CSMD1: variants seen among roughly 807,000 people sequenced by gnomAD.
The protein encoded by CSMD1 is CUB and sushi domain-containing protein 1.
In CSMD1, 213 loss-of-function variants were observed where a neutral mutation model predicts 417.5. The ratio of observed to expected loss-of-function variants is 0.51; its 90% confidence interval spans 0.46 to 0.57. CSMD1 has a LOEUF of 0.57. Ranked by LOEUF, CSMD1 falls within the 20% of genes least tolerant of loss-of-function variation. CSMD1 has a pLI of 0.00. For synonymous variants in CSMD1, 2,862 were observed against 1,736.8 expected (o/e 1.65, Z -16.11); for missense variants, 6,923 against 4,529.7 (o/e 1.53, Z -15.17).
intron 7 of CSMD1, among the ~76,000 whole-genome samples, chr8:3,625,506 T>A (rs997200088): frequency 6.6e-6 from 1 of 152,204 alleles, no homozygotes; most frequent in Non-Finnish European, 1.5e-5. Flanking sequence ...TCATAATTCA[T>A]ATGCCCCAAT....
chr8:4,295,109 A>T (rs1193234350), intron 3 of CSMD1, among the ~76,000 whole-genome samples: 1 of 147,134 alleles, frequency 6.8e-6, no homozygotes, highest in Non-Finnish European at 1.5e-5. Flanking sequence ...TATAATCTTA[A>T]GATTACACAC....
intron 1 of CSMD1, among the ~76,000 whole-genome samples, chr8:4,981,128 C>A (rs532951847): frequency 5.9e-5 from 9 of 152,018 alleles, no homozygotes; most frequent in African/African-American, 2.2e-4. Context: ...CTTTTCTGTA[C>A]CTGAAAATGG....
intron 41 of CSMD1, among the ~76,000 whole-genome samples, chr8:3,124,891 G>C (rs548981825): frequency 6.6e-6 from 1 of 152,152 alleles, no homozygotes; most frequent in Non-Finnish European, 1.5e-5. Flanking sequence ...ATGCCAATTA[G>C]TTTCTTTTTC....
intron 2 of CSMD1, among the ~76,000 whole-genome samples, chr8:4,472,448 T>G (rs1800590140): frequency 1.3e-5 from 2 of 152,162 alleles, no homozygotes; most frequent in Non-Finnish European, 2.9e-5. Flanking sequence ...GACATATATT[T>G]AAGGTAATAA....
chr8:3,936,525 A>T (rs527649837), intron 5 of CSMD1, among the ~76,000 whole-genome samples: 4 of 152,304 alleles, frequency 2.6e-5, no homozygotes, highest in South Asian at 2.1e-4. Flanking sequence ...AATTCTGCTA[A>T]ATCAACTATG....
At chr8:4,583,612 G>C (rs1171446449) in intron 2 of CSMD1, among the ~76,000 whole-genome samples, 2 of 152,020 alleles carry the variant, frequency 1.3e-5, no homozygotes, top group South Asian at 4.2e-4. Context: ...ACTGTATCTA[G>C]CTGCTCTGGT....
chr8:3,241,768 G>A (rs1279566760), intron 26 of CSMD1, among the ~76,000 whole-genome samples: 1 of 152,094 alleles, frequency 6.6e-6, no homozygotes, highest in Non-Finnish European at 1.5e-5. Flanking sequence ...AGATGTGGCT[G>A]GGGTTTGTCT....
intron 40 of CSMD1, among the ~76,000 whole-genome samples, chr8:3,150,050 G>C (rs1819097243): frequency 6.6e-6 from 1 of 152,128 alleles, no homozygotes; most frequent in Non-Finnish European, 1.5e-5. Flanking sequence ...AGATCTCCAG[G>C]GCAAGGACGA....
chr8:3,916,231 A>AT (rs1397305900), intron 5 of CSMD1, among the ~76,000 whole-genome samples: 1 of 152,172 alleles, frequency 6.6e-6, no homozygotes, highest in African/African-American at 2.4e-5. Context: ...CCGGTCATTT[A>AT]TGAGGTGTAA....
At chr8:4,989,590 G>A (rs537895410) in intron 1 of CSMD1, among the ~76,000 whole-genome samples, 3 of 152,314 alleles carry the variant, frequency 2.0e-5, no homozygotes, top group East Asian at 1.9e-4. Context: ...CTTACAGAGC[G>A]AAGTGAGCTC....
At chr8:4,161,604 G>A (rs961154260) in intron 3 of CSMD1, among the ~76,000 whole-genome samples, 1 of 152,070 alleles carries the variant, frequency 6.6e-6, no homozygotes, top group Non-Finnish European at 1.5e-5. Context: ...ATCTATACCT[G>A]TTAAAAATCT....
intron 5 of CSMD1, among the ~76,000 whole-genome samples, chr8:3,812,305 C>T (rs62479925): frequency 6.6e-6 from 1 of 152,068 alleles, no homozygotes; most frequent in Non-Finnish European, 1.5e-5. Context: ...TCACAGGGTC[C>T]TTTTCTGAGC....
At position 3,493,118 on chromosome 8, in the gene CSMD1, C is replaced by T. The variant is rs1028366540; in HGVS notation, c.1448+505G>A. 1.4e-4 allele frequency among the ~76,000 whole-genome samples: 21 copies of T among 151,938 alleles called. No homozygotes were observed. The East Asian group carries it at 2.1e-3, about 16-fold the overall frequency. ...AGACCAACCGGGCCAACATGGCAAA[C>T]GCCTGTCTCTAATAATAATACAAAA... On this transcript the variant is annotated intron_variant, in intron 11 of 69. Transcript: ENST00000635120.
chr8:3,297,041 A>G (rs1416937059), intron 25 of CSMD1, among the ~76,000 whole-genome samples: 5 of 152,336 alleles, frequency 3.3e-5, no homozygotes, highest in South Asian at 2.1e-4. Flanking sequence ...GAAGAGGACT[A>G]TGGATTCTGA....
At chr8:3,522,134 AC>A (rs1797535064) in intron 10 of CSMD1, among the ~76,000 whole-genome samples, 1 of 152,216 alleles carries the variant, frequency 6.6e-6, no homozygotes, top group African/African-American at 2.4e-5. Flanking sequence ...TCTTTAAACT[AC>A]CACTCTGACT....
intron 1 of CSMD1, among the ~76,000 whole-genome samples, chr8:4,935,933 G>T (rs1375033081): frequency 6.6e-6 from 1 of 152,156 alleles, no homozygotes; most frequent in Non-Finnish European, 1.5e-5. Flanking sequence ...CCACGCTGCC[G>T]CTCAGAACAG....
intron 5 of CSMD1, among the ~76,000 whole-genome samples, chr8:3,805,025 G>A (rs151028940): frequency 6.6e-6 from 1 of 152,178 alleles, no homozygotes; most frequent in Non-Finnish European, 1.5e-5. Flanking sequence ...AGGCCTGGTT[G>A]GTCATATTCA....
At chr8:3,464,303 T>C (rs185594589) in intron 12 of CSMD1, among the ~76,000 whole-genome samples, 113 of 152,268 alleles carry the variant, frequency 7.4e-4, no homozygotes, top group African/African-American at 2.6e-3. Context: ...AGCAAACATG[T>C]AATTGCTTAT....
At chr8:4,251,798 G>A (rs1035543322) in intron 3 of CSMD1, among the ~76,000 whole-genome samples, 4 of 149,178 alleles carry the variant, frequency 2.7e-5, no homozygotes, top group Non-Finnish European at 6.0e-5. Context: ...GAGGAGGAAA[G>A]ATGGAGAAGG....
Sources: gnomAD v4.1 joint callset for allele counts (sites outside exome capture counted in the v4.1 genomes callset) on GRCh38, gnomAD v4.1.1 for gene constraint, MANE v1.5 for transcripts, NCBI Gene and HGNC (gene_info 2026-07-23, HGNC 2026-07-21) for gene names.